The following DPP10 variants were observed in gnomAD, a reference collection of about 807,000 sequenced individuals.
DPP10 encodes the protein dipeptidyl peptidase like 10.
In DPP10, 33 loss-of-function variants were observed where a neutral mutation model predicts 120.9. The ratio of observed to expected loss-of-function variants is 0.27; its 90% CI spans 0.21 to 0.37. The LOEUF (loss-of-function observed/expected upper bound fraction) is 0.37, where lower values mean the gene tolerates loss of function less well. Among genes scored for constraint, DPP10 ranks in the 10% least tolerant of loss-of-function variants. DPP10 has a pLI of 1.00. For synonymous variants in DPP10, 337 were observed against 326.1 expected (o/e 1.03, Z -0.36); for missense variants, 816 against 942.8 (o/e 0.87, Z 1.76).
chr2:114,893,486 T>C (rs1692710655), intron 1 of DPP10, among the ~76,000 whole-genome samples: 1 of 152,026 alleles, frequency 6.6e-6, no homozygotes, highest in South Asian at 2.1e-4. Flanking sequence ...GGGAAAGTTA[T>C]GCTGTGATGA....
intron 1 of DPP10, among the ~76,000 whole-genome samples, chr2:115,158,622 G>T (rs1005418669): frequency 6.6e-6 from 1 of 152,170 alleles, no homozygotes; most frequent in Non-Finnish European, 1.5e-5. Context: ...AAGGAATTTT[G>T]CTAGGTGATC....
chr2:114,699,870 T>A (rs1700285850), intron 1 of DPP10, among the ~76,000 whole-genome samples: 1 of 152,016 alleles, frequency 6.6e-6, no homozygotes, highest in African/African-American at 2.4e-5. Context: ...TGGGAGAGTA[T>A]GTGTCTATTT....
intron 10 of DPP10, among the ~76,000 whole-genome samples, chr2:115,752,170 T>C (rs1301311115): frequency 6.6e-6 from 1 of 152,212 alleles, no homozygotes; most frequent in Non-Finnish European, 1.5e-5. Context: ...CTGTTTCTTC[T>C]GAGATCAGAT....
intron 1 of DPP10, among the ~76,000 whole-genome samples, chr2:114,608,602 A>T (rs997378168): frequency 1.3e-5 from 2 of 152,118 alleles, no homozygotes; most frequent in African/African-American, 4.8e-5. Flanking sequence ...ACATACACTC[A>T]TATGTTCATC....
At chr2:115,473,504 G>A (rs1574950952) in intron 3 of DPP10, among the ~76,000 whole-genome samples, 2 of 152,092 alleles carry the variant, frequency 1.3e-5, no homozygotes, top group South Asian at 4.1e-4. Context: ...TACATTCTTG[G>A]CAGCCTGTGA....
At chr2:115,344,158 GAT>G (rs1315018439) in intron 3 of DPP10, among the ~76,000 whole-genome samples, 41 of 141,330 alleles carry the variant, frequency 2.9e-4, no homozygotes, top group Non-Finnish European at 6.0e-4. Flanking sequence ...AAAAAAAAAA[GAT>G]ATGTGTAGTT....
chr2:115,468,624 C>T, intron 3 of DPP10: 1 of 383,962 alleles, frequency 2.6e-6, no homozygotes, highest in South Asian at 2.0e-5. Flanking sequence ...CTCCCATGAA[C>T]ATCCATGGGA....
chr2:115,771,160 C>T (rs1163581642), intron 13 of DPP10, among the ~76,000 whole-genome samples: 1 of 151,954 alleles, frequency 6.6e-6, no homozygotes, highest in Admixed American at 6.6e-5. Context: ...CTGCAACCCC[C>T]TCCTCCCAGG....
rs544843776 is a variant in DPP10, at chr2:114,488,662, A to G, written c.60+45824A>G. On this transcript the variant is annotated intron_variant, in intron 1 of 25. Coordinates refer to ENST00000410059, the MANE Select transcript of DPP10 (RefSeq NM_020868.6). ...TCTAAATTTACATAGCCGTACGATA[A>G]TTATTTTGGCCCAAGGATCTCATGT... 4.0e-4 allele frequency among the ~76,000 whole-genome samples: 61 copies of G among 152,182 alleles called. 1 individual carries two copies. The highest frequency in any genetic ancestry group is 7.8e-4 in the Non-Finnish European group (53 of 68,034).
At chr2:115,726,425 G>A (rs1160568951) in intron 7 of DPP10, among the ~76,000 whole-genome samples, 3 of 152,076 alleles carry the variant, frequency 2.0e-5, no homozygotes, top group South Asian at 4.1e-4. Flanking sequence ...CCACAGATCT[G>A]TAAGGTATGT....
At chr2:114,613,247 A>C (rs558563411) in intron 1 of DPP10, among the ~76,000 whole-genome samples, 3 of 152,200 alleles carry the variant, frequency 2.0e-5, no homozygotes, top group Non-Finnish European at 4.4e-5. Context: ...TATTGCAAAC[A>C]GAGAGAAGAT....
At chr2:115,143,639 G>A (rs62164558) in intron 1 of DPP10, among the ~76,000 whole-genome samples, 2,611 of 152,322 alleles carry the variant, frequency 0.017, 48 homozygotes, top group Non-Finnish European at 0.027. Context: ...GCACTTTAGA[G>A]TCCAGTGGGC....
At chr2:115,093,570 G>A (rs1040444628) in intron 1 of DPP10, among the ~76,000 whole-genome samples, 18 of 151,996 alleles carry the variant, frequency 1.2e-4, no homozygotes, top group Non-Finnish European at 2.6e-4. Context: ...ATCATGTAAT[G>A]CCTAGGAAAT....
chr2:114,829,280 A>T (rs901119336), intron 1 of DPP10, among the ~76,000 whole-genome samples: 8 of 151,714 alleles, frequency 5.3e-5, no homozygotes, highest in Non-Finnish European at 1.0e-4. Context: ...ACAGAGTGAG[A>T]CTCCATCTCA....
intron 1 of DPP10, among the ~76,000 whole-genome samples, chr2:115,004,515 C>T (rs1016769596): frequency 1.1e-4 from 16 of 152,260 alleles, no homozygotes; most frequent in African/African-American, 2.4e-4. Context: ...GTGCGTGCAC[C>T]GTGCGCGAGC....
intron 5 of DPP10, among the ~76,000 whole-genome samples, chr2:115,616,246 A>G (rs1003120835): frequency 6.6e-6 from 1 of 152,188 alleles, no homozygotes; most frequent in African/African-American, 2.4e-5. Flanking sequence ...TATTCACTGA[A>G]TGATAATTGT....
At chr2:114,684,456 A>G (rs1449357173) in intron 1 of DPP10, among the ~76,000 whole-genome samples, 1 of 152,014 alleles carries the variant, frequency 6.6e-6, no homozygotes, top group Non-Finnish European at 1.5e-5. Context: ...AGGTTAGCAT[A>G]TGAAAGTGTT....
In DPP10 at chr2:115,801,294, A is replaced by G. The variant is rs1685208602; in HGVS notation, c.1700+9938A>G. On this transcript the variant is annotated intron_variant, in intron 19 of 25. Transcript: ENST00000410059. ...TTTTGTACATTGATTTTGTATGCTG[A>G]GACTTTGCTGAAGTTGCTTATCAGC... is the stretch of plus-strand genomic sequence containing the variant. Among the ~76,000 whole-genome samples the G allele has an allele frequency of 2.0e-5, 3 of 152,200 alleles. No individual in the cohort carries two copies. In the South Asian group the frequency reaches 6.2e-4, roughly 32 times the overall value.
At chr2:114,595,395 C>A (rs536131875) in intron 1 of DPP10, among the ~76,000 whole-genome samples, 6 of 152,206 alleles carry the variant, frequency 3.9e-5, no homozygotes, top group Admixed American at 3.9e-4. Flanking sequence ...ATCAATTATA[C>A]TTTGTGAGGA....
Sources: gnomAD v4.1 joint callset for allele counts (sites outside exome capture counted in the v4.1 genomes callset) on GRCh38, gnomAD v4.1.1 for gene constraint, MANE v1.5 for transcripts, NCBI Gene and HGNC (gene_info 2026-07-23, HGNC 2026-07-21) for gene names.